EYS: variants seen among roughly 807,000 people sequenced by gnomAD.
EYS encodes EGF-like photoreceptor maintenance factor, also known as protein eyes shut homolog.
EYS carries 250 observed loss-of-function variants against 282.1 expected under a neutral mutation model. The observed-to-expected ratio is 0.89, with a 90% CI of 0.80 to 0.98. The LOEUF (loss-of-function observed/expected upper bound fraction) is 0.98, where lower values mean the gene tolerates loss of function less well. EYS is among the 50% of genes least tolerant of loss of function. EYS has a pLI of 0.00. For synonymous variants in EYS, 1,355 were observed against 1,282.9 expected (o/e 1.06, Z -1.20); for missense variants, 4,016 against 3,709.0 (o/e 1.08, Z -2.15).
At chr6:64,456,934 A>T (rs1775576496) in intron 26 of EYS, among the ~76,000 whole-genome samples, 1 of 151,994 alleles carries the variant, frequency 6.6e-6, no homozygotes, top group South Asian at 2.1e-4. Context: ...ACATTACCTA[A>T]TTCATTCTAA....
At chr6:64,250,264 C>T (rs544800938) in intron 30 of EYS, among the ~76,000 whole-genome samples, 1 of 152,254 alleles carries the variant, frequency 6.6e-6, no homozygotes, top group South Asian at 2.1e-4. Context: ...CCTGATAAGT[C>T]GGTAAACTAT....
chr6:63,881,203 G>GT (rs1321209085), intron 35 of EYS, among the ~76,000 whole-genome samples: 2 of 152,144 alleles, frequency 1.3e-5, no homozygotes, highest in Non-Finnish European at 2.9e-5. Flanking sequence ...TTTTCCAGCA[G>GT]TTTGTTATTT....
chr6:65,016,184 T>C (rs1772042814), intron 13 of EYS, among the ~76,000 whole-genome samples: 2 of 151,658 alleles, frequency 1.3e-5, no homozygotes, highest in African/African-American at 4.8e-5. Context: ...GATAACATGG[T>C]GAAACCTCGT....
At chr6:65,663,841 C>T (rs1768096784) in intron 1 of EYS, among the ~76,000 whole-genome samples, 1 of 149,886 alleles carries the variant, frequency 6.7e-6, no homozygotes, top group African/African-American at 2.5e-5. Context: ...CCACCACGCC[C>T]AGCTAATTTT....
chr6:64,324,674 A>G (rs1436724455), intron 29 of EYS, among the ~76,000 whole-genome samples: 1 of 152,200 alleles, frequency 6.6e-6, no homozygotes, highest in African/African-American at 2.4e-5. Context: ...AATAAGTCAA[A>G]CGATCTTTCT....
At chr6:64,078,901 G>A (rs1771861585) in intron 32 of EYS, among the ~76,000 whole-genome samples, 1 of 152,026 alleles carries the variant, frequency 6.6e-6, no homozygotes, top group Non-Finnish European at 1.5e-5. Context: ...CCAAGTGTTG[G>A]TATGGACATG....
At chr6:65,485,416 T>C (rs988593825) in intron 5 of EYS, among the ~76,000 whole-genome samples, 1 of 152,246 alleles carries the variant, frequency 6.6e-6, no homozygotes, top group East Asian at 1.9e-4. Flanking sequence ...ATTTTTCTCA[T>C]TTTTTATTGC....
At chr6:64,775,941 A>G (rs910515218) in intron 22 of EYS, among the ~76,000 whole-genome samples, 25 of 152,054 alleles carry the variant, frequency 1.6e-4, no homozygotes, top group African/African-American at 5.6e-4. Flanking sequence ...GCTTCAAAAG[A>G]ACACATCTAT....
At position 65,342,364 on chromosome 6, in the gene EYS, C is replaced by T. The variant is rs1770230627; in HGVS notation, c.1599+1674G>A. Among the ~76,000 whole-genome samples the T allele has an allele frequency of 2.0e-5, 3 of 150,822 alleles. 1 individual carries two copies. The South Asian group carries it at 6.2e-4, about 31-fold the overall frequency. ...TTAAAAGGGTTGAATCTTGTGAATT[C>T]TTACTAATTTTACTACACTGATGTA... On this transcript the variant is annotated intron_variant, in intron 10 of 42. Coordinates refer to ENST00000503581, the MANE Select transcript of EYS (RefSeq NM_001142800.2).
chr6:65,175,385 G>A (rs1765201092), intron 12 of EYS, among the ~76,000 whole-genome samples: 1 of 151,290 alleles, frequency 6.6e-6, no homozygotes, highest in Non-Finnish European at 1.5e-5. Flanking sequence ...AAACTATGCA[G>A]GATATCCAAG....
intron 34 of EYS, among the ~76,000 whole-genome samples, chr6:63,989,646 A>G (rs1229790341): frequency 7.9e-6 from 1 of 126,374 alleles, no homozygotes; most frequent in Non-Finnish European, 1.7e-5. Context: ...AGTTTTATAC[A>G]CTTTTTTTTA....
intron 22 of EYS, among the ~76,000 whole-genome samples, chr6:64,697,461 T>C (rs188959232): frequency 6.6e-6 from 1 of 152,246 alleles, no homozygotes; most frequent in African/African-American, 2.4e-5. Flanking sequence ...ACCCCACTCA[T>C]AGCACTGGAC....
intron 12 of EYS, among the ~76,000 whole-genome samples, chr6:65,101,267 T>G (rs984684374): frequency 6.6e-6 from 1 of 151,196 alleles, no homozygotes; most frequent in Non-Finnish European, 1.5e-5. Context: ...TTTGAAGTTT[T>G]TAAATTAGTT....
intron 24 of EYS, among the ~76,000 whole-genome samples, chr6:64,599,066 G>A (rs1297529562): frequency 6.6e-6 from 1 of 152,140 alleles, no homozygotes; most frequent in Non-Finnish European, 1.5e-5. Context: ...GTAGAAATGA[G>A]GTCACAGAGG....
chr6:63,844,298 T>C (rs143457543), intron 36 of EYS, among the ~76,000 whole-genome samples: 30 of 152,330 alleles, frequency 2.0e-4, no homozygotes, highest in Non-Finnish European at 4.0e-4. Flanking sequence ...CTATTGTGAA[T>C]AGTGCTGCAA....
chr6:64,859,379 G>A (rs1766164906), intron 19 of EYS, among the ~76,000 whole-genome samples: 1 of 151,456 alleles, frequency 6.6e-6, no homozygotes. Flanking sequence ...ATTTAACCAA[G>A]GAGGTAAAAG....
rs149766821 is a variant in EYS, at chr6:64,965,298, A to G, written c.2260-19384T>C. Among the ~76,000 whole-genome samples the G allele has an allele frequency of 2.8e-3, 426 of 152,176 alleles. 3 individuals carry two copies. Among genetic ancestry groups the G allele is most frequent in the African/African-American group, 9.6e-3 (400 of 41,554 alleles). ...TTGTCTGAAAATTACTATAATGTCC[A>G]TATAGGAAGATCATAGTATTGACCA... On this transcript the variant is annotated intron_variant, in intron 14 of 42. Transcript: ENST00000503581.
intron 14 of EYS, among the ~76,000 whole-genome samples, chr6:64,970,934 C>A (rs770929078): frequency 6.6e-6 from 1 of 152,130 alleles, no homozygotes; most frequent in Non-Finnish European, 1.5e-5. Context: ...GTGAAAACTG[C>A]ACTTCTTTTT....
In EYS at chr6:65,181,593, C is replaced by G. The variant is rs540587677; in HGVS notation, c.2023+114270G>C. Reference sequence around the variant, plus strand: ...GAGAGGATATGGAGAAATAGGAACACTTTCACACTGTTGGTGGGACTGTAA... The same window carrying G: ...GAGAGGATATGGAGAAATAGGAACAGTTTCACACTGTTGGTGGGACTGTAA... On this transcript the variant is annotated intron_variant, in intron 12 of 42. Transcript: ENST00000503581. Among the ~76,000 whole-genome samples the G allele has an allele frequency of 2.6e-3, 402 of 152,238 alleles. 5 individuals carry two copies. Among genetic ancestry groups the G allele is most frequent in the Middle Eastern group, 0.01 (3 of 294 alleles).
Sources: gnomAD v4.1 joint callset for allele counts (sites outside exome capture counted in the v4.1 genomes callset) on GRCh38, gnomAD v4.1.1 for gene constraint, MANE v1.5 for transcripts, NCBI Gene and HGNC (gene_info 2026-07-23, HGNC 2026-07-21) for gene names.